The following SNTG1 variants were observed in gnomAD, a reference collection of about 807,000 sequenced individuals.
SNTG1 encodes the protein syntrophin gamma 1.
In SNTG1, 39 loss-of-function variants were observed where a neutral mutation model predicts 74.7. That is an observed-to-expected ratio of 0.52 (90% CI 0.40 to 0.68). SNTG1 has a LOEUF of 0.68. SNTG1 is among the 30% of genes least tolerant of loss of function. The probability of loss-of-function intolerance (pLI) is 0.00; values close to 1 mark genes in which losing one functional copy is unlikely to be tolerated. For synonymous variants in SNTG1, 254 were observed against 217.1 expected, an observed-to-expected ratio of 1.17 and a Z score of -1.49; for missense variants, 685 against 609.5, an observed-to-expected ratio of 1.12 and a Z score of -1.30.
At chr8:50,482,006 G>A (rs548656517) in intron 8 of SNTG1, among the ~76,000 whole-genome samples, 20 of 152,130 alleles carry the variant, frequency 1.3e-4, no homozygotes, top group South Asian at 1.2e-3. Flanking sequence ...TTCAGTCCCC[G>A]GTTTATGAAG....
chr8:49,958,678 CA>C (rs1035585854), intron 1 of SNTG1, among the ~76,000 whole-genome samples: 7 of 152,204 alleles, frequency 4.6e-5, no homozygotes, highest in Non-Finnish European at 7.3e-5. Flanking sequence ...CTTGGCCTCC[CA>C]AAGTGCTGGG....
At chr8:50,286,758 G>A (rs778007991) in intron 2 of SNTG1, 1 of 152,110 alleles carries the variant, frequency 6.6e-6, no homozygotes, top group African/African-American at 2.4e-5. Flanking sequence ...ATAAATTTTT[G>A]TTAAGTTCAT....
rs143825343 is a variant in SNTG1, at chr8:49,958,427, C to CT, written c.-103+46209dup. Among the ~76,000 whole-genome samples, 415 of 144,390 alleles carry CT rather than the reference C, an allele frequency of 2.9e-3. 2 individuals carry two copies. The highest frequency in any genetic ancestry group is 3.8e-3 in the Admixed American group (55 of 14,402). The allele number at this position is 144,390 out of a possible 152,430, so 94.7% of individuals were successfully genotyped here. A position where few individuals can be genotyped will look rare whatever the true frequency, so the allele number is the denominator to read the frequency against. The stretch of plus-strand genomic sequence containing the variant: ...TGTCAACATTTTCTTTGTTTTCTTT[C>CT]TTTTTTTTTTTTTGGAGACAGTCTC... On this transcript the variant is annotated intron_variant, in intron 1 of 18. Coordinates refer to ENST00000642720, the MANE Select transcript of SNTG1 (RefSeq NM_018967.5).
intron 1 of SNTG1, among the ~76,000 whole-genome samples, chr8:50,143,504 A>C (rs1014280090): frequency 2.6e-5 from 4 of 152,226 alleles, no homozygotes; most frequent in African/African-American, 9.6e-5. Context: ...TGTGTATTAA[A>C]GACTTATTCA....
intron 15 of SNTG1, among the ~76,000 whole-genome samples, chr8:50,667,336 T>C (rs980346088): frequency 3.3e-5 from 5 of 152,114 alleles, no homozygotes; most frequent in Non-Finnish European, 7.4e-5. Flanking sequence ...CATTTGTCTT[T>C]ATCTGTTTTC....
At chr8:50,394,385 C>T (rs2092701625) in intron 3 of SNTG1, 120 bp downstream of exon 3, 2 of 908,364 alleles carry the variant, frequency 2.2e-6, no homozygotes, top group East Asian at 2.7e-5. Flanking sequence ...GGAGGATGGG[C>T]TCTTTTTCCT....
chr8:50,064,425 C>T (rs1256591439), intron 1 of SNTG1, among the ~76,000 whole-genome samples: 1 of 152,198 alleles, frequency 6.6e-6, no homozygotes, highest in East Asian at 1.9e-4. Context: ...CTCCCACCAT[C>T]ACTCCTACAT....
At chr8:49,921,685 G>A (rs1806559520) in intron 1 of SNTG1, among the ~76,000 whole-genome samples, 1 of 152,008 alleles carries the variant, frequency 6.6e-6, no homozygotes, top group Admixed American at 6.6e-5. Context: ...TGGTGATTAA[G>A]GTCTAGTGAT....
chr8:50,353,148 C>G (rs1168698796), intron 2 of SNTG1, among the ~76,000 whole-genome samples: 1 of 151,418 alleles, frequency 6.6e-6, no homozygotes, highest in Admixed American at 6.6e-5. Context: ...AGCAAACTAT[C>G]GCAAGGACAA....
intron 13 of SNTG1, among the ~76,000 whole-genome samples, chr8:50,599,943 G>A (rs1327090271): frequency 1.3e-5 from 2 of 152,034 alleles, no homozygotes; most frequent in African/African-American, 4.8e-5. Context: ...ACTACCTTGG[G>A]TCTGTAATAC....
chr8:50,127,109 T>G (rs888962380), intron 1 of SNTG1, among the ~76,000 whole-genome samples: 6 of 152,114 alleles, frequency 3.9e-5, no homozygotes, highest in Non-Finnish European at 1.5e-5. Flanking sequence ...AATTGTGATG[T>G]GTCCTACTGA....
At chr8:50,644,091 T>C (rs2095091662) in intron 13 of SNTG1, 1 of 152,170 alleles carries the variant, frequency 6.6e-6, no homozygotes, top group Non-Finnish European at 1.5e-5. Flanking sequence ...AAGATAGCAG[T>C]GGAGTAAACA....
intron 18 of SNTG1, among the ~76,000 whole-genome samples, chr8:50,782,083 C>G (rs1025647043): frequency 6.6e-6 from 1 of 152,190 alleles, no homozygotes; most frequent in Non-Finnish European, 1.5e-5. Flanking sequence ...CACTGTTAGT[C>G]GGATGGGCTT....
chr8:50,674,982 A>T (rs908494591), intron 15 of SNTG1, among the ~76,000 whole-genome samples: 2 of 152,024 alleles, frequency 1.3e-5, no homozygotes, highest in Non-Finnish European at 2.9e-5. Flanking sequence ...TGTTTGAGTG[A>T]GTTTCTTAAT....
In SNTG1 at chr8:50,708,853, A is replaced by G. The variant is rs755890530; in HGVS notation, c.1192-33A>G. On this transcript the variant is annotated intron_variant, in intron 16 of 18. Transcript: ENST00000642720. ...ATAATATTGATATTGCATCAATAAC[A>G]TGAAAAGTAACAATACTTTCTGTTC... 13 of 1,461,106 alleles carry G rather than the reference A, an allele frequency of 8.9e-6. No individual in the cohort carries two copies. The South Asian group carries it at 1.3e-4, about 14-fold the overall frequency. The allele number at this position is 1,461,106 out of a possible 1,614,324, so 90.5% of individuals were successfully genotyped here. A position where few individuals can be genotyped will look rare whatever the true frequency, so the allele number is the denominator to read the frequency against.
At chr8:50,004,020 A>C (rs2130482315) in intron 1 of SNTG1, among the ~76,000 whole-genome samples, 1 of 152,262 alleles carries the variant, frequency 6.6e-6, no homozygotes, top group South Asian at 2.1e-4. Flanking sequence ...GGACTTGCAA[A>C]GGGTGCAGAG....
intron 2 of SNTG1, among the ~76,000 whole-genome samples, chr8:50,274,728 T>C (rs2087996371): frequency 6.6e-6 from 1 of 152,156 alleles, no homozygotes; most frequent in Non-Finnish European, 1.5e-5. Flanking sequence ...GAAATCTCTC[T>C]ATATTCCTAA....
chr8:50,061,037 G>A (rs1028557422), intron 1 of SNTG1, among the ~76,000 whole-genome samples: 14 of 152,062 alleles, frequency 9.2e-5, no homozygotes, highest in Non-Finnish European at 2.1e-4. Context: ...TGTCTTTGGT[G>A]TTGCTACCTG....
At chr8:50,273,942 T>C (rs1403946410) in intron 2 of SNTG1, among the ~76,000 whole-genome samples, 1 of 152,150 alleles carries the variant, frequency 6.6e-6, no homozygotes, top group Non-Finnish European at 1.5e-5. Context: ...TCATCAAAAC[T>C]TTACAGTTTT....
Sources: allele counts gnomAD v4.1 joint callset (sites outside exome capture counted in the v4.1 genomes callset), GRCh38; gene constraint gnomAD v4.1.1; transcripts MANE v1.5; gene names NCBI Gene and HGNC (gene_info 2026-07-23, HGNC 2026-07-21).